The following PLXNA4 variants were observed in gnomAD, a reference collection of about 807,000 sequenced individuals.
PLXNA4 encodes plexin-A4.
PLXNA4 carries 44 observed loss-of-function variants against 191.8 expected under a neutral mutation model. The ratio of observed to expected loss-of-function variants is 0.23; its 90% CI spans 0.18 to 0.29. PLXNA4 has a LOEUF of 0.29. Among genes scored for constraint, PLXNA4 ranks in the 10% least tolerant of loss-of-function variants. PLXNA4 has a pLI of 1.00. For synonymous variants in PLXNA4, 1,082 were observed against 1,009.5 expected (o/e 1.07, Z -1.36); for missense variants, 1,800 against 2,488.8 (o/e 0.72, Z 5.89).
intron 3 of PLXNA4, among the ~76,000 whole-genome samples, chr7:132,443,072 G>A (rs1324023030): frequency 1.3e-5 from 2 of 152,156 alleles, no homozygotes; most frequent in Non-Finnish European, 2.9e-5. Context: ...CTGAGATCAT[G>A]GTACAGCCAT....
At chr7:132,473,480 T>C (rs1011687921) in intron 3 of PLXNA4, among the ~76,000 whole-genome samples, 6 of 152,128 alleles carry the variant, frequency 3.9e-5, no homozygotes, top group Admixed American at 3.9e-4. Context: ...CCATGAACCT[T>C]TGTGAAGAAG....
intron 3 of PLXNA4, among the ~76,000 whole-genome samples, chr7:132,438,652 A>G (rs1317598783): frequency 6.6e-6 from 1 of 152,180 alleles, no homozygotes; most frequent in Non-Finnish European, 1.5e-5. Flanking sequence ...GGAGTATTCT[A>G]TTTTTGCCAC....
chr7:132,562,183 TCCTCC>T, intron 1 of PLXNA4, among the ~76,000 whole-genome samples: 1 of 122,754 alleles, frequency 8.1e-6, no homozygotes, highest in South Asian at 3.3e-4. Flanking sequence ...TTTCTCCTCC[TCCTCC>T]TTCTCCTCCT....
rs6947162 is a variant in PLXNA4, at chr7:132,179,032, G to A, written c.3874+655C>T. Among the ~76,000 whole-genome samples the A allele has an allele frequency of 4.4e-3, 272 of 61,634 alleles. 15 individuals are homozygous for A. Among genetic ancestry groups the A allele is most frequent in the African/African-American group, 0.021 (243 of 11,634 alleles). 40.4% of individuals were successfully genotyped at this position (61,634 alleles called of 152,430 possible). A position where few individuals can be genotyped will look rare whatever the true frequency, so the allele number is the denominator to read the frequency against. On this transcript the variant is annotated intron_variant, in intron 20 of 31. Coordinates refer to ENST00000321063, the MANE Select transcript of PLXNA4 (RefSeq NM_020911.2). ...CACATACACATATACAGGCGCGCGCGCACACACACACACACACACACACAC... is the reference window on the plus strand; with the variant it reads ...CACATACACATATACAGGCGCGCGCACACACACACACACACACACACACAC...
intron 2 of PLXNA4, among the ~76,000 whole-genome samples, chr7:132,607,347 C>T (rs960535496): frequency 1.3e-5 from 2 of 152,206 alleles, no homozygotes; most frequent in East Asian, 3.9e-4. Context: ...CCTCACTGCT[C>T]ACCAACCCTG....
At chr7:132,522,808 CAG>C (rs1376168830) in intron 1 of PLXNA4, among the ~76,000 whole-genome samples, 1 of 152,132 alleles carries the variant, frequency 6.6e-6, no homozygotes, top group Non-Finnish European at 1.5e-5. Context: ...AGCCACTCAC[CAG>C]AGTCATCACT....
At chr7:132,172,780 A>ATAT in intron 21 of PLXNA4, among the ~76,000 whole-genome samples, 1 of 151,760 alleles carries the variant, frequency 6.6e-6, no homozygotes, top group East Asian at 1.9e-4. Flanking sequence ...AATAATAATA[A>ATAT]TAAAGTTACA....
chr7:132,607,817 C>T (rs1200649820), intron 2 of PLXNA4, among the ~76,000 whole-genome samples: 1 of 151,724 alleles, frequency 6.6e-6, no homozygotes, highest in Admixed American at 6.6e-5. Context: ...ATCACCATCA[C>T]TGCCATCATC....
intron 4 of PLXNA4, among the ~76,000 whole-genome samples, chr7:132,253,816 A>G (rs1799338822): frequency 6.6e-6 from 1 of 152,028 alleles, no homozygotes; most frequent in South Asian, 2.1e-4. Flanking sequence ...CATGGAGAAG[A>G]CTCCATCTCT....
intron 9 of PLXNA4, among the ~76,000 whole-genome samples, chr7:132,213,877 C>T (rs972056030): frequency 6.6e-6 from 1 of 152,184 alleles, no homozygotes; most frequent in Admixed American, 6.5e-5. Flanking sequence ...AATCTCTTCC[C>T]ACCACCTCCC....
At chr7:132,441,300 T>C (rs1264640736) in intron 3 of PLXNA4, among the ~76,000 whole-genome samples, 1 of 152,244 alleles carries the variant, frequency 6.6e-6, no homozygotes, top group African/African-American at 2.4e-5. Context: ...GAACTTGTCA[T>C]AAGATCTTGG....
At chr7:132,589,461 C>T (rs1320992050) in intron 2 of PLXNA4, among the ~76,000 whole-genome samples, 1 of 152,096 alleles carries the variant, frequency 6.6e-6, no homozygotes, top group Non-Finnish European at 1.5e-5. Flanking sequence ...TTGATGATAG[C>T]ATATTATTTA....
chr7:132,213,204 C>A (rs1797859144), intron 9 of PLXNA4, among the ~76,000 whole-genome samples: 1 of 152,086 alleles, frequency 6.6e-6, no homozygotes, highest in Admixed American at 6.6e-5. Context: ...CAGTCAAATT[C>A]ATAGAGACAG....
chr7:132,581,704 G>A (rs140533029), upstream of PLXNA4, among the ~76,000 whole-genome samples: 99 of 152,024 alleles, frequency 6.5e-4, no homozygotes, highest in East Asian at 0.016. Flanking sequence ...TTGGTGTTTA[G>A]GTGGGGAGGA....
intron 21 of PLXNA4, 138 bp downstream of exon 21, chr7:132,174,640 C>G: frequency 7.4e-7 from 1 of 1,350,772 alleles, no homozygotes. Flanking sequence ...TGGACTGGTG[C>G]TGACAATCTG....
intron 20 of PLXNA4, among the ~76,000 whole-genome samples, chr7:132,178,924 C>CACAT (rs1796584309): frequency 7.0e-6 from 1 of 143,734 alleles, no homozygotes; most frequent in South Asian, 2.2e-4. Flanking sequence ...GTAAATGAAA[C>CACAT]ACATACGCAT....
chr7:132,194,092 C>T lies in PLXNA4; in HGVS notation c.2826G>A (p.Met942Ile). Residue 942 changes from methionine (M) to isoleucine (I), a missense_variant, in exon 14 of 32, where the codon ATG (methionine) becomes ATA (isoleucine). By Grantham distance (10) the Met-to-Ile change is conservative (BLOSUM62 1). Coordinates refer to ENST00000321063, the MANE Select transcript of PLXNA4 (RefSeq NM_020911.2). ...ICVAVCRPEF[M>I]ARSSQLYYFM... ...AGTAATAGAGCTGTGAGGACCGGGC[C>T]ATGAATTCAGGCCGACACACAGCCA... 6.2e-7 allele frequency: 1 copy of T among 1,614,072 alleles called. No individual in the cohort carries two copies. Among genetic ancestry groups the T allele is most frequent in the South Asian group, 1.1e-5 (1 of 91,062 alleles).
At chr7:132,613,933 A>C (rs1241213886) in intron 2 of PLXNA4, among the ~76,000 whole-genome samples, 4 of 152,238 alleles carry the variant, frequency 2.6e-5, no homozygotes, top group Admixed American at 6.5e-5. Context: ...TCAAAGGGCA[A>C]CATTGGAAGG....
intron 3 of PLXNA4, chr7:132,383,520 T>G: frequency 1.0e-6 from 1 of 958,698 alleles, no homozygotes; most frequent in African/African-American, 1.8e-5. Flanking sequence ...CAGTTTTTAT[T>G]TTATTCATTG....
Sources: allele counts gnomAD v4.1 joint callset (sites outside exome capture counted in the v4.1 genomes callset), GRCh38; gene constraint gnomAD v4.1.1; transcripts MANE v1.5; gene names NCBI Gene and HGNC (gene_info 2026-07-23, HGNC 2026-07-21).